ABCC6: variants seen among roughly 807,000 people sequenced by gnomAD.
ABCC6 encodes the protein ATP-binding cassette sub-family C member 6.
ABCC6 carries 126 observed loss-of-function variants against 169.5 expected under a neutral mutation model. The observed-to-expected ratio is 0.74, with a 90% CI of 0.64 to 0.86. ABCC6 has a LOEUF of 0.86. Among genes scored for constraint, ABCC6 ranks in the 40% least tolerant of loss-of-function variants. The probability of loss-of-function intolerance (pLI) is 0.00; values close to 1 mark genes in which losing one functional copy is unlikely to be tolerated. For missense variants in ABCC6, 1,733 were observed against 1,927.2 expected, an observed-to-expected ratio of 0.90 and a Z score of 1.89; for synonymous variants, 752 against 814.7, an observed-to-expected ratio of 0.92 and a Z score of 1.31.
rs759881569 is a variant in ABCC6, at chr16:16,197,999, C to A, written c.1338+22G>T. On this transcript the variant is annotated intron_variant, in intron 10 of 30. Coordinates refer to ENST00000205557, the MANE Select transcript of ABCC6 (RefSeq NM_001171.6). ...GGGGGTGGGGGACTCCGTTCAAATC[C>A]CGTCTTCCTCCTCTGGCATACCTGC... The A allele has an allele frequency of 1.2e-5, 20 of 1,612,000 alleles. No homozygotes were observed. In the Admixed American group the frequency reaches 1.8e-4, roughly 15 times the overall value.
At chr16:16,200,898 G>T (rs1453544272) in intron 9 of ABCC6, among the ~76,000 whole-genome samples, 1 of 151,704 alleles carries the variant, frequency 6.6e-6, no homozygotes, top group African/African-American at 2.4e-5. Context: ...TAAAGCTATG[G>T]CCTCCAACCA....
chr16:16,165,156 A>G (rs1215094631), intron 23 of ABCC6, among the ~76,000 whole-genome samples: 1 of 152,224 alleles, frequency 6.6e-6, no homozygotes, highest in East Asian at 1.9e-4. Flanking sequence ...ATGCCCTGTA[A>G]TCCCAGAACT....
chr16:16,153,468 A>T (rs1340775259), intron 29 of ABCC6, among the ~76,000 whole-genome samples: 2 of 152,012 alleles, frequency 1.3e-5, no homozygotes, highest in African/African-American at 4.8e-5. Flanking sequence ...TTCTGCGTCT[A>T]TGCAGTGTCT....
At chr16:16,177,701 G>C in intron 18 of ABCC6, 75 bp from the exon 19 acceptor site, 2 of 1,574,168 alleles carry the variant, frequency 1.3e-6, no homozygotes, top group South Asian at 2.2e-5. Context: ...CCAACACTTT[G>C]GGAAGCCAAA....
At position 16,198,914 on chromosome 16, in the gene ABCC6, A is replaced by C. The variant is rs1361449145; in HGVS notation, c.1177-732T>G. 2.6e-5 allele frequency among the ~76,000 whole-genome samples: 4 copies of C among 152,072 alleles called. No homozygotes were observed. In the East Asian group the frequency reaches 7.7e-4, roughly 29 times the overall value. ...GAGGCTGAGGCAAGAGAATCGCTTAAACCCAGGAGGCAGAGGTTGCAGTGA... is the reference window on the plus strand; with the variant it reads ...GAGGCTGAGGCAAGAGAATCGCTTACACCCAGGAGGCAGAGGTTGCAGTGA... On this transcript the variant is annotated intron_variant, in intron 9 of 30. Coordinates refer to ENST00000205557, the MANE Select transcript of ABCC6 (RefSeq NM_001171.6).
Position 16,198,035 on chromosome 16 carries a change from C to T in ABCC6, c.1324G>A (p.Val442Ile), listed in dbSNP as rs372059636. 41 of 1,614,142 alleles carry T rather than the reference C, an allele frequency of 2.5e-5. No individual in the cohort carries two copies. The highest frequency in any genetic ancestry group is 2.1e-4 in the African/African-American group (16 of 75,060). The change falls in exon 10 of 31, where the codon GTC becomes ATC. Residue 442 changes from valine (V) to isoleucine (I), a missense_variant. This residue lies in a region of ABCC6 where 1,601 missense variants were observed against 1,635.5 expected (regional missense o/e 0.98). Coordinates refer to ENST00000205557, the MANE Select transcript of ABCC6 (RefSeq NM_001171.6). Reference sequence around the variant, plus strand: ...CTCTGGCATACCTGCCAGAGATAGACGAAGCAGACCACGATCCAGACGAGA... The same window carrying T: ...CTCTGGCATACCTGCCAGAGATAGATGAAGCAGACCACGATCCAGACGAGA... Reference protein sequence around the residue: ...LPLVWIVVCFVYLWQLLGPSA... With the variant: ...LPLVWIVVCFIYLWQLLGPSA...
chr16:16,166,190 C>T (rs1032069703), intron 22 of ABCC6, among the ~76,000 whole-genome samples: 2 of 152,152 alleles, frequency 1.3e-5, no homozygotes, highest in Admixed American at 6.6e-5. Flanking sequence ...GCTGGGACCA[C>T]AGGTGTACGC....
intron 29 of ABCC6, among the ~76,000 whole-genome samples, chr16:16,154,170 C>T (rs1425478804): frequency 6.6e-6 from 1 of 151,964 alleles, no homozygotes; most frequent in African/African-American, 2.4e-5. Context: ...TAGTCTCGAA[C>T]TCCTGGGCTC....
intron 10 of ABCC6, among the ~76,000 whole-genome samples, chr16:16,197,055 G>A (rs1277789914): frequency 6.6e-6 from 1 of 152,128 alleles, no homozygotes; most frequent in Non-Finnish European, 1.5e-5. Flanking sequence ...AATGAAGTTG[G>A]AAAGTAAATG....
chr16:16,191,868 G>A (rs1301720146), intron 11 of ABCC6, among the ~76,000 whole-genome samples: 1 of 151,350 alleles, frequency 6.6e-6, no homozygotes. Context: ...AGAACCTTCT[G>A]CCTGCCAAGC....
chr16:16,222,278 C>G (rs1394915929), intron 1 of ABCC6, among the ~76,000 whole-genome samples: 1 of 152,188 alleles, frequency 6.6e-6, no homozygotes, highest in Non-Finnish European at 1.5e-5. Flanking sequence ...CCCAGGGACA[C>G]ACAAATGGGA....
chr16:16,197,911 G>T, intron 10 of ABCC6, 110 bp downstream of exon 10: 1 of 1,306,024 alleles, frequency 7.7e-7, no homozygotes, highest in Non-Finnish European at 1.1e-6. Context: ...ACCTCTTCCA[G>T]CCTCTTGAAT....
intron 7 of ABCC6, among the ~76,000 whole-genome samples, chr16:16,206,474 A>T (rs993397727): frequency 2.0e-5 from 3 of 151,696 alleles, no homozygotes; most frequent in Non-Finnish European, 2.9e-5. Flanking sequence ...CTCTAATAAA[A>T]AATACAAAAA....
chr16:16,210,357 G>C (rs1365624961), intron 6 of ABCC6, among the ~76,000 whole-genome samples: 4 of 151,926 alleles, frequency 2.6e-5, no homozygotes, highest in Non-Finnish European at 5.9e-5. Context: ...GGCTGGTCTC[G>C]AAATCCTGAC....
chr16:16,197,961 AG>A, intron 10 of ABCC6, 59 bp downstream of exon 10: 2 of 1,397,064 alleles, frequency 1.4e-6, no homozygotes, highest in Non-Finnish European at 1.9e-6. Flanking sequence ...GGGAAGGAGG[AG>A]GGGGAGAAGG....
Position 16,150,152 on chromosome 16 carries a change from T to C in ABCC6, c.4493A>G (p.Gln1498Arg), listed in dbSNP as rs752891529. ...CCTGGCTCAGACCAGGCCTGACTCC[T>C]GGGCCAGTCTGTAAAACAGGCCCTT... ...AQKGLFYRLA[Q>R]ESGLV The change falls in exon 31 of 31, where the codon CAG becomes CGG. Residue 1498 changes from glutamine (Q) to arginine (R), a missense_variant. This residue lies in a region of ABCC6 where 1,601 missense variants were observed against 1,635.5 expected (regional missense o/e 0.98). Coordinates refer to ENST00000205557, the MANE Select transcript of ABCC6 (RefSeq NM_001171.6). 1 of 1,612,876 alleles carries C rather than the reference T, an allele frequency of 6.2e-7. No individual in the cohort carries two copies. The highest frequency in any genetic ancestry group is 1.7e-5 in the Admixed American group (1 of 60,028).
rs554216744 is a variant in ABCC6 at position 16,209,778 on chromosome 16, T to C, written c.663-919A>G. Among the ~76,000 whole-genome samples the C allele has an allele frequency of 3.3e-5, 5 of 152,114 alleles. No homozygotes were observed. The East Asian group carries it at 9.7e-4, about 30-fold the overall frequency. Reference sequence around the variant, plus strand: ...ATCACACCTGGCTAATTTTTGTGTTTTTGGATGGTGTATCACCATGCTGGC... The same window carrying C: ...ATCACACCTGGCTAATTTTTGTGTTCTTGGATGGTGTATCACCATGCTGGC... On this transcript the variant is annotated intron_variant, in intron 6 of 30. Transcript: ENST00000205557.
chr16:16,196,638 A>G (rs4780600), intron 10 of ABCC6, among the ~76,000 whole-genome samples: 116,545 of 152,096 alleles, frequency 0.77, 45,297 homozygotes, highest in East Asian at 0.97. Flanking sequence ...TTCACAACTG[A>G]TAAGTGGTCA....
At chr16:16,174,913 A>C (rs2152245711) in intron 20 of ABCC6, among the ~76,000 whole-genome samples, 2 of 149,756 alleles carry the variant, frequency 1.3e-5, no homozygotes, top group East Asian at 2.0e-4. Context: ...GGCACATGCC[A>C]CCACGCCGGC....
Sources: gnomAD v4.1 joint callset for allele counts (sites outside exome capture counted in the v4.1 genomes callset) on GRCh38, gnomAD v4.1.1 for gene constraint, gnomAD v4.1.1 regional missense constraint, MANE v1.5 for transcripts, NCBI Gene and HGNC (gene_info 2026-07-23, HGNC 2026-07-21) for gene names.